The following CLVS1 variants were observed in gnomAD, a reference collection of about 807,000 sequenced individuals.
CLVS1 encodes the protein clavesin-1.
CLVS1 carries 10 observed loss-of-function variants against 33.1 expected under a neutral mutation model. The observed-to-expected ratio is 0.30, with a 90% CI of 0.19 to 0.51. The LOEUF (loss-of-function observed/expected upper bound fraction) is 0.51, where lower values mean the gene tolerates loss of function less well. Among genes scored for constraint, CLVS1 ranks in the 20% least tolerant of loss-of-function variants. The pLI is 0.97. For synonymous variants in CLVS1, 163 were observed against 166.1 expected (o/e 0.98, Z 0.14); for missense variants, 343 against 433.4 (o/e 0.79, Z 1.85).
At chr8:61,120,713 G>A (rs878938120) in intron 1 of CLVS1, among the ~76,000 whole-genome samples, 1 of 142,668 alleles carries the variant, frequency 7.0e-6, no homozygotes, top group South Asian at 2.4e-4. Context: ...ACCCACTTGA[G>A]GAGGCAGTCT....
chr8:61,077,176 C>A (rs1002646153), intron 1 of CLVS1, among the ~76,000 whole-genome samples: 1 of 150,034 alleles, frequency 6.7e-6, no homozygotes, highest in Admixed American at 6.6e-5. Flanking sequence ...AGAGTTCACG[C>A]CATTCTCCTG....
intron 2 of CLVS1, among the ~76,000 whole-genome samples, chr8:61,178,840 A>C (rs933248721): frequency 1.2e-4 from 19 of 152,328 alleles, no homozygotes; most frequent in Middle Eastern, 3.4e-3. Flanking sequence ...GAGCTCCTGA[A>C]AAAAATCACT....
At position 61,256,981 on chromosome 8, in the gene CLVS1, T is replaced by C. The variant is rs530220194; in HGVS notation, c.-151-42696T>C. On this transcript the variant is annotated intron_variant, in intron 2 of 2. Coordinates refer to the CLVS1 transcript ENST00000522621. ...AAGACCTGTAAGGTATTATACTGTA[T>C]AGTTTTGGGGTGATGTTTCCCATGC... Among the ~76,000 whole-genome samples the C allele has an allele frequency of 6.1e-4, 93 of 152,358 alleles. 1 individual carries two copies. The highest frequency in any genetic ancestry group is 3.3e-3 in the South Asian group (16 of 4,830).
rs554935512 is a variant in CLVS1, at chr8:61,489,508, A to T, written c.978-9947A>T. Reference sequence around the variant, plus strand: ...ATACCCAGCTTAGATTATTGTGAAGATTTATTTATTGATTGATTGATTTGT... The same window carrying T: ...ATACCCAGCTTAGATTATTGTGAAGTTTTATTTATTGATTGATTGATTTGT... On this transcript the variant is annotated intron_variant, in intron 5 of 5. Coordinates refer to ENST00000325897, the MANE Select transcript of CLVS1 (RefSeq NM_173519.3). Among the ~76,000 whole-genome samples, 11 of 152,324 alleles carry T rather than the reference A, an allele frequency of 7.2e-5. No homozygotes were observed. The South Asian group carries it at 1.4e-3, about 20-fold the overall frequency.
At chr8:61,249,964 G>C (rs1808898899) in intron 2 of CLVS1, among the ~76,000 whole-genome samples, 1 of 152,022 alleles carries the variant, frequency 6.6e-6, no homozygotes, top group South Asian at 2.1e-4. Context: ...CATTGTTTTT[G>C]GTATTTTAGA....
rs531345404 is a variant in CLVS1 at position 61,202,881 on chromosome 8, T to C, written c.-152+71021T>C. Reference sequence around the variant, plus strand: ...AAGATGATGATGATGAAGATGATGATGATGATTTTAATGAGGAAGCTGAAG... The same window carrying C: ...AAGATGATGATGATGAAGATGATGACGATGATTTTAATGAGGAAGCTGAAG... On this transcript the variant is annotated intron_variant, in intron 2 of 2. Coordinates refer to the CLVS1 transcript ENST00000522621. The C allele has an allele frequency of 2.2e-3, 1,933 of 886,920 alleles. 30 individuals are homozygous for C. The African/African-American group carries it at 0.038, about 17-fold the overall frequency. 54.9% of individuals were successfully genotyped at this position (886,920 alleles called of 1,614,324 possible).
chr8:61,032,502 T>G, the CLVS1 span, among the ~76,000 whole-genome samples: 3 of 152,150 alleles, frequency 2.0e-5, no homozygotes, highest in African/African-American at 7.2e-5. Flanking sequence ...AGCCCAGCCC[T>G]AAAATGGTGC....
rs566646275 is a variant in CLVS1, at chr8:61,369,424, C to T, written c.456-7181C>T. On this transcript the variant is annotated intron_variant, in intron 2 of 5. Transcript: ENST00000325897. ...GAATTATGTAAGAGTTATTACAAAC[C>T]ATTTAAGAGAGTGTCTCACGTGAAT... Among the ~76,000 whole-genome samples, 133 of 152,118 alleles carry T rather than the reference C, an allele frequency of 8.7e-4. 1 individual carries two copies. Among genetic ancestry groups the T allele is most frequent in the Admixed American group, 3.8e-3 (58 of 15,270 alleles).
At chr8:61,246,655 T>C (rs1479033486) in intron 2 of CLVS1, among the ~76,000 whole-genome samples, 1 of 152,164 alleles carries the variant, frequency 6.6e-6, no homozygotes, top group Non-Finnish European at 1.5e-5. Context: ...AGTAGAACAA[T>C]GGCTCTTAGT....
chr8:61,158,766 A>T (rs1429048289), intron 2 of CLVS1, among the ~76,000 whole-genome samples: 3 of 152,166 alleles, frequency 2.0e-5, no homozygotes, highest in Admixed American at 6.5e-5. Context: ...AAAAAAAAAA[A>T]TTTGCCACAG....
intron 1 of CLVS1, among the ~76,000 whole-genome samples, chr8:61,068,032 A>T (rs1009268839): frequency 1.7e-4 from 25 of 151,348 alleles, no homozygotes; most frequent in East Asian, 9.7e-4. Context: ...AAAAATTTTA[A>T]AAAAAATTAG....
chr8:61,390,500 A>T (rs1167330698), intron 3 of CLVS1, among the ~76,000 whole-genome samples: 1 of 152,222 alleles, frequency 6.6e-6, no homozygotes, highest in Non-Finnish European at 1.5e-5. Context: ...GCTTTTTAAT[A>T]TTCACCAGCA....
chr8:61,331,804 T>TCTTCTCCTCCTC (rs1554559749), intron 2 of CLVS1, among the ~76,000 whole-genome samples: 1 of 148,854 alleles, frequency 6.7e-6, no homozygotes, highest in African/African-American at 2.6e-5. Flanking sequence ...TTCTTCTTCT[T>TCTTCTCCTCCTC]CTCCTCCTCC....
chr8:61,261,543 A>G (rs968186961), intron 2 of CLVS1, among the ~76,000 whole-genome samples: 5 of 152,120 alleles, frequency 3.3e-5, no homozygotes, highest in African/African-American at 1.2e-4. Context: ...CCACATTTAT[A>G]GGTTGAAGTC....
chr8:61,270,637 C>G (rs545637996), intron 2 of CLVS1, among the ~76,000 whole-genome samples: 2 of 152,286 alleles, frequency 1.3e-5, no homozygotes, highest in East Asian at 3.9e-4. Context: ...GTGAATCCAT[C>G]TGTTCCTGGA....
intron 2 of CLVS1, among the ~76,000 whole-genome samples, chr8:61,158,051 A>T (rs907796353): frequency 6.6e-6 from 1 of 152,252 alleles, no homozygotes; most frequent in Non-Finnish European, 1.5e-5. Flanking sequence ...CAGTAGCCCC[A>T]AACTGGAGAC....
chr8:61,266,039 G>A (rs1025353255), intron 2 of CLVS1, among the ~76,000 whole-genome samples: 8 of 152,078 alleles, frequency 5.3e-5, no homozygotes, highest in African/African-American at 1.9e-4. Flanking sequence ...AAGGCTTCCT[G>A]TTCGTCTCCC....
the CLVS1 span, chr8:60,965,201 G>C: frequency 6.6e-6 from 1 of 152,152 alleles, no homozygotes; most frequent in South Asian, 2.1e-4. Context: ...TATTAGTTTA[G>C]GTTTCCAAAC....
chr8:61,339,997 TG>T (rs1563504250), intron 2 of CLVS1, among the ~76,000 whole-genome samples: 2 of 50,626 alleles, frequency 4.0e-5, no homozygotes, highest in African/African-American at 1.7e-4. Context: ...AAAGAGAAAA[TG>T]AAAGAAAGGA....
Sources: allele counts gnomAD v4.1 joint callset (sites outside exome capture counted in the v4.1 genomes callset), GRCh38; gene constraint gnomAD v4.1.1; transcripts MANE v1.5; gene names NCBI Gene and HGNC (gene_info 2026-07-23, HGNC 2026-07-21).